The following ICE2 variants were observed in gnomAD, a reference collection of about 807,000 sequenced individuals.
ICE2 encodes interactor of little elongation complex ELL subunit 2.
ICE2 carries 87 observed loss-of-function variants against 105.4 expected under a neutral mutation model. The ratio of observed to expected loss-of-function variants is 0.83; its 90% CI spans 0.69 to 0.99. The LOEUF is 0.99. Among genes scored for constraint, ICE2 ranks in the 50% least tolerant of loss-of-function variants. The pLI is 0.00. For missense variants in ICE2, 1,323 were observed against 1,146.7 expected, an observed-to-expected ratio of 1.15 and a Z score of -2.22; for synonymous variants, 399 against 392.0, an observed-to-expected ratio of 1.02 and a Z score of -0.21.
At chr15:60,430,251 T>G (rs929204337) in intron 14 of ICE2, among the ~76,000 whole-genome samples, 1 of 152,156 alleles carries the variant, frequency 6.6e-6, no homozygotes, top group Non-Finnish European at 1.5e-5. Flanking sequence ...GCGTTGTAAC[T>G]TTGAAGATGG....
chr15:60,432,001 A>C lies in ICE2; in HGVS notation c.2511-17T>G, dbSNP rs780662452. The C allele has an allele frequency of 3.7e-6, 5 of 1,362,930 alleles. No individual in the cohort carries two copies. The highest frequency in any genetic ancestry group is 5.2e-6 in the Non-Finnish European group (5 of 970,592). 84.4% of individuals were successfully genotyped at this position (1,362,930 alleles called of 1,614,324 possible). A position where few individuals can be genotyped will look rare whatever the true frequency, so the allele number is the denominator to read the frequency against. ...TTGGAAATCCTGATAAACAAAAGAA[A>C]TTCATGTAAAATTAAACTGCAAAAA... On this transcript the variant is annotated splice_polypyrimidine_tract_variant and intron_variant, in intron 13 of 15. Transcript: ENST00000261520.
rs183576925 is a variant in ICE2 at position 60,425,457 on chromosome 15, T to C, written c.2821-1695A>G. ...TAAAATAAATGTTTATTACAGAAGATGTAGAAAGAAAAAAGGGATAAGTGT... is the reference window on the plus strand; with the variant it reads ...TAAAATAAATGTTTATTACAGAAGACGTAGAAAGAAAAAAGGGATAAGTGT... On this transcript the variant is annotated intron_variant, in intron 15 of 15. Transcript: ENST00000261520. 4.7e-4 allele frequency among the ~76,000 whole-genome samples: 72 copies of C among 152,198 alleles called. 1 individual carries two copies. The East Asian group carries it at 0.014, about 29-fold the overall frequency.
chr15:60,445,199 CTCTA>C (rs1336695689), intron 11 of ICE2, among the ~76,000 whole-genome samples: 4 of 152,176 alleles, frequency 2.6e-5, no homozygotes, highest in Non-Finnish European at 5.9e-5. Context: ...TATTTCAAAG[CTCTA>C]TCTAAGCAAG....
At chr15:60,437,628 C>T (rs1324399642) in intron 12 of ICE2, among the ~76,000 whole-genome samples, 1 of 151,396 alleles carries the variant, frequency 6.6e-6, no homozygotes, top group Non-Finnish European at 1.5e-5. Context: ...CCACTGAGCC[C>T]GGCTGAAGTC....
intron 3 of ICE2, among the ~76,000 whole-genome samples, chr15:60,469,839 A>G (rs2064539078): frequency 6.6e-6 from 1 of 152,222 alleles, no homozygotes; most frequent in Non-Finnish European, 1.5e-5. Context: ...CACCTTATCC[A>G]AATTAAAGTA....
At chr15:60,436,266 G>C in intron 12 of ICE2, 39 bp from the exon 13 acceptor site, 1 of 771,844 alleles carries the variant, frequency 1.3e-6, no homozygotes, top group Non-Finnish European at 2.0e-6. Flanking sequence ...AGAAGCAATT[G>C]CAGTATTTAG....
At chr15:60,478,201 C>T (rs1352841917) in intron 1 of ICE2, 132 bp from the exon 2 acceptor site, 4 of 567,874 alleles carry the variant, frequency 7.0e-6, no homozygotes, top group Admixed American at 3.1e-5. Context: ...TACAGCAGAC[C>T]CAAGGTTCTT....
At chr15:60,450,378 A>G (rs932437062) in intron 9 of ICE2, among the ~76,000 whole-genome samples, 4 of 152,204 alleles carry the variant, frequency 2.6e-5, no homozygotes, top group Admixed American at 2.6e-4. Flanking sequence ...TCTTAGCAAT[A>G]AAAGATGGGG....
At chr15:60,451,593 C>T in intron 9 of ICE2, 1 of 984,838 alleles carries the variant, frequency 1.0e-6, no homozygotes, top group Non-Finnish European at 1.2e-6. Context: ...AAAGCATTAT[C>T]ATCCTCTCAT....
chr15:60,476,066 T>C lies in ICE2; in HGVS notation c.143A>G (p.Asn48Ser). 1 of 1,574,996 alleles carries C rather than the reference T, an allele frequency of 6.3e-7. No homozygotes were observed. Among genetic ancestry groups the C allele is most frequent in the South Asian group, 1.2e-5 (1 of 85,904 alleles). ...AATAACCAAATAAACATATTACCTG[T>C]TGGATAAAACACGTAGTTCTTTTAA... ...PSLKELRVLS[N>S]RRIGENLNAS... The change falls in exon 3 of 16, where the codon AAC becomes AGC. Residue 48 changes from asparagine (N) to serine (S), a missense_variant. By Grantham distance (46) the Asn-to-Ser change is conservative. Transcript: ENST00000261520.
chr15:60,460,812 C>T (rs1283669154), intron 5 of ICE2, among the ~76,000 whole-genome samples: 15 of 152,006 alleles, frequency 9.9e-5, no homozygotes, highest in Middle Eastern at 3.2e-3. Flanking sequence ...GATATTCATA[C>T]GGGAAAAAAT....
At chr15:60,430,229 C>T (rs563787673) in intron 14 of ICE2, among the ~76,000 whole-genome samples, 23 of 152,238 alleles carry the variant, frequency 1.5e-4, no homozygotes, top group Middle Eastern at 3.4e-3. Context: ...CAGAGAGATG[C>T]GACTTAACTT....
chr15:60,428,415 A>C lies in ICE2; in HGVS notation c.2820+14T>G. 6.2e-7 allele frequency: 1 copy of C among 1,605,700 alleles called. No individual in the cohort carries two copies. On this transcript the variant is annotated intron_variant, in intron 15 of 15. Transcript: ENST00000261520. ...AACAACCTAATGAACCTTTAATTTC[A>C]AAAAAGATCTTACCTTTTGTTGTGT...
Position 60,453,789 on chromosome 15 carries a change from A to C in ICE2, c.944-5T>G, listed in dbSNP as rs962516214. 5.1e-6 allele frequency: 8 copies of C among 1,553,946 alleles called. No individual in the cohort carries two copies. The African/African-American group carries it at 8.2e-5, about 16-fold the overall frequency. ...TTACTTTAACTGGTTTTGAACCTTAAAACAGAAACCAAAGAAAAGAGGTGA... is the reference window on the plus strand; with the variant it reads ...TTACTTTAACTGGTTTTGAACCTTACAACAGAAACCAAAGAAAAGAGGTGA... On this transcript the variant is annotated splice_region_variant and splice_polypyrimidine_tract_variant and intron_variant, in intron 8 of 15. Transcript: ENST00000261520.
At chr15:60,452,100 T>C (rs1397955568) in intron 9 of ICE2, 1 of 985,224 alleles carries the variant, frequency 1.0e-6, no homozygotes, top group Non-Finnish European at 1.2e-6. Flanking sequence ...ATGTTTCTTC[T>C]TGTTACTGCC....
intron 9 of ICE2, chr15:60,451,531 C>T: frequency 1.0e-6 from 1 of 983,784 alleles, no homozygotes; most frequent in Non-Finnish European, 1.2e-6. Flanking sequence ...GAACACTTAG[C>T]AACATAAATT....
chr15:60,448,715 T>C (rs1230083213), intron 10 of ICE2, 133 bp downstream of exon 10: 1 of 781,552 alleles, frequency 1.3e-6, no homozygotes, highest in East Asian at 2.7e-5. Context: ...GATCAATAGA[T>C]CGAAAAAATG....
chr15:60,477,476 T>C (rs1248442984), intron 2 of ICE2, among the ~76,000 whole-genome samples: 4 of 152,362 alleles, frequency 2.6e-5, no homozygotes, highest in East Asian at 3.9e-4. Flanking sequence ...AAAACCACTA[T>C]ATTATTTAAC....
chr15:60,474,088 G>T (rs1164484936), intron 3 of ICE2, among the ~76,000 whole-genome samples: 2 of 151,906 alleles, frequency 1.3e-5, no homozygotes, highest in Admixed American at 6.6e-5. Context: ...TTGGAGAGAC[G>T]GGGTCTCAAT....
Sources: gnomAD v4.1 joint callset for allele counts (sites outside exome capture counted in the v4.1 genomes callset) on GRCh38, gnomAD v4.1.1 for gene constraint, MANE v1.5 for transcripts, NCBI Gene and HGNC (gene_info 2026-07-23, HGNC 2026-07-21) for gene names.